Variants in ZFPM2 observed in about 807,000 individuals in gnomAD.
ZFPM2 encodes zinc finger protein ZFPM2.
In ZFPM2, 20 loss-of-function variants were observed where a neutral mutation model predicts 98.6. That is an observed-to-expected ratio of 0.20 (90% CI 0.14 to 0.29). The LOEUF is 0.29. Among genes scored for constraint, ZFPM2 ranks in the 10% least tolerant of loss-of-function variants. ZFPM2 has a pLI of 1.00. For missense variants in ZFPM2, 1,310 were observed against 1,388.6 expected, an observed-to-expected ratio of 0.94 and a Z score of 0.90; for synonymous variants, 518 against 502.7, an observed-to-expected ratio of 1.03 and a Z score of -0.41.
At chr8:105,644,631 A>G (rs551629627) in intron 5 of ZFPM2, among the ~76,000 whole-genome samples, 6 of 152,072 alleles carry the variant, frequency 3.9e-5, no homozygotes, top group African/African-American at 1.4e-4. Flanking sequence ...ACAAAATACC[A>G]TAGACTTGGT....
chr8:105,435,633 G>A (rs907165501), intron 2 of ZFPM2, among the ~76,000 whole-genome samples: 3 of 150,522 alleles, frequency 2.0e-5, no homozygotes, highest in African/African-American at 7.5e-5. Flanking sequence ...CTAGAGTACC[G>A]ATTTCAAACA....
chr8:105,547,542 C>CAAAAA (rs148322534), intron 3 of ZFPM2, among the ~76,000 whole-genome samples: 12 of 47,184 alleles, frequency 2.5e-4, no homozygotes, highest in Admixed American at 8.6e-4. Context: ...AACTCCATCT[C>CAAAAA]AAAAAAAAAA....
intron 5 of ZFPM2, among the ~76,000 whole-genome samples, chr8:105,717,592 G>C (rs182629338): frequency 2.0e-5 from 3 of 151,772 alleles, no homozygotes; most frequent in Non-Finnish European, 2.9e-5. Context: ...TAAGCAGAAA[G>C]ATGTTTGTTG....
intron 3 of ZFPM2, among the ~76,000 whole-genome samples, chr8:105,514,117 CT>C (rs1813869850): frequency 6.6e-6 from 1 of 151,520 alleles, no homozygotes; most frequent in South Asian, 2.1e-4. Flanking sequence ...ATTCTCCTGC[CT>C]CAGCCTCCTG....
chr8:105,504,744 A>T (rs1025544569), intron 3 of ZFPM2, among the ~76,000 whole-genome samples: 1 of 152,158 alleles, frequency 6.6e-6, no homozygotes, highest in African/African-American at 2.4e-5. Flanking sequence ...ATGATTTCTA[A>T]TTAGAAATAG....
At chr8:105,414,406 G>A (rs1586355127) in intron 1 of ZFPM2, among the ~76,000 whole-genome samples, 1 of 152,128 alleles carries the variant, frequency 6.6e-6, no homozygotes, top group African/African-American at 2.4e-5. Context: ...ACATTTAGGT[G>A]AGGATTGTTG....
chr8:105,576,322 T>C (rs1815467109), intron 4 of ZFPM2, among the ~76,000 whole-genome samples: 1 of 152,106 alleles, frequency 6.6e-6, no homozygotes, highest in African/African-American at 2.4e-5. Flanking sequence ...GTCTTATGAA[T>C]AAACATAGAG....
intron 1 of ZFPM2, among the ~76,000 whole-genome samples, chr8:105,375,774 A>C (rs1810713947): frequency 6.6e-6 from 1 of 152,192 alleles, no homozygotes; most frequent in Admixed American, 6.5e-5. Flanking sequence ...TAGCTGAGAT[A>C]AACTTTTTGA....
chr8:105,579,996 A>G (rs1440490789), intron 4 of ZFPM2, among the ~76,000 whole-genome samples: 1 of 152,060 alleles, frequency 6.6e-6, no homozygotes, highest in African/African-American at 2.4e-5. Flanking sequence ...TGCTCTCCCT[A>G]TCTCTTCATC....
Position 105,489,462 on chromosome 8 carries a change from ATATAT to A in ZFPM2, c.301+45083_301+45087del, listed in dbSNP as rs1176064244. Among the ~76,000 whole-genome samples, 5 of 68,640 alleles carry A rather than the reference ATATAT, an allele frequency of 7.3e-5. No individual in the cohort carries two copies. The South Asian group carries it at 1.4e-3, about 19-fold the overall frequency. The allele number at this position is 68,640 out of a possible 152,430, so 45.0% of individuals were successfully genotyped here. A position where few individuals can be genotyped will look rare whatever the true frequency, so the allele number is the denominator to read the frequency against. On this transcript the variant is annotated intron_variant, in intron 3 of 7. Transcript: ENST00000407775. Reference sequence around the variant, plus strand: ...GATATATGTTTTTATATATATATATATATATTTTTTTTTTTTTTTGAGATGGAATC... The same window carrying A: ...GATATATGTTTTTATATATATATATATTTTTTTTTTTTTTGAGATGGAATC...
intron 6 of ZFPM2, among the ~76,000 whole-genome samples, chr8:105,793,918 T>A (rs1813707050): frequency 6.6e-6 from 1 of 152,118 alleles, no homozygotes; most frequent in Non-Finnish European, 1.5e-5. Flanking sequence ...GCCTTGGCTT[T>A]CAGCTCCAAC....
Position 105,768,085 on chromosome 8 carries a change from C to CCTCT in ZFPM2, c.533-20614_533-20611dup, listed in dbSNP as rs139124537. 8.1e-3 allele frequency among the ~76,000 whole-genome samples: 1,184 copies of CCTCT among 147,048 alleles called. 9 individuals are homozygous for CCTCT. The highest frequency in any genetic ancestry group is 0.023 in the African/African-American group (945 of 40,366). On this transcript the variant is annotated intron_variant, in intron 5 of 7. Transcript: ENST00000407775. ...CTTAATGAGGGAACAAACACATATT[C>CCTCT]CTCTCTCTCTCTCTCTCTCTCTTTC...
At chr8:105,483,128 T>A (rs935829896) in intron 3 of ZFPM2, among the ~76,000 whole-genome samples, 1 of 151,822 alleles carries the variant, frequency 6.6e-6, no homozygotes, top group Non-Finnish European at 1.5e-5. Flanking sequence ...CCAAAAGTGC[T>A]AGGATTATAG....
intron 5 of ZFPM2, among the ~76,000 whole-genome samples, chr8:105,695,042 T>C (rs948606362): frequency 2.6e-5 from 4 of 152,200 alleles, no homozygotes; most frequent in African/African-American, 9.6e-5. Context: ...GGAACCATCC[T>C]CAGTAGAATC....
At chr8:105,692,762 G>A (rs1202589193) in intron 5 of ZFPM2, among the ~76,000 whole-genome samples, 1 of 152,196 alleles carries the variant, frequency 6.6e-6, no homozygotes, top group Non-Finnish European at 1.5e-5. Context: ...TCAAGAAATG[G>A]AAAATTGTTC....
chr8:105,396,445 T>C (rs1239674691), intron 1 of ZFPM2, among the ~76,000 whole-genome samples: 1 of 152,194 alleles, frequency 6.6e-6, no homozygotes, highest in African/African-American at 2.4e-5. Flanking sequence ...GTTGGATTCC[T>C]ATTTGTAACA....
At chr8:105,411,687 T>C (rs1811580576) in intron 1 of ZFPM2, among the ~76,000 whole-genome samples, 1 of 151,886 alleles carries the variant, frequency 6.6e-6, no homozygotes, top group South Asian at 2.1e-4. Context: ...CCATCTTCAA[T>C]AGACTGAGAT....
chr8:105,530,140 G>A (rs1814265162), intron 3 of ZFPM2, among the ~76,000 whole-genome samples: 1 of 152,084 alleles, frequency 6.6e-6, no homozygotes, highest in African/African-American at 2.4e-5. Flanking sequence ...AATTCACAAG[G>A]TATTGCAGTC....
Position 105,801,096 on chromosome 8 carries a change from C to T in ZFPM2, c.1014C>T (p.Thr338=), listed in dbSNP as rs141238169. 2.0e-5 allele frequency: 32 copies of T among 1,613,804 alleles called. No homozygotes were observed. The highest frequency in any genetic ancestry group is 1.5e-4 in the Admixed American group (9 of 60,022). ...FLPPGASLKC[T]VCSYTADSVI... is the part of the protein sequence containing the mutation. ...CCCCTGGTGCTAGTCTAAAATGCAC[C>T]GTCTGTAGCTACACTGCTGATTCCG... Residue 338 remains threonine (T), a synonymous_variant, in exon 8 of 8, where the codon ACC becomes ACT. Transcript: ENST00000407775.
Sources: gnomAD v4.1 joint callset for allele counts (sites outside exome capture counted in the v4.1 genomes callset) on GRCh38, gnomAD v4.1.1 for gene constraint, MANE v1.5 for transcripts, NCBI Gene and HGNC (gene_info 2026-07-23, HGNC 2026-07-21) for gene names.